PRKAB2: variants seen among roughly 807,000 people sequenced by gnomAD.
The protein encoded by PRKAB2 is 5'-AMP-activated protein kinase subunit beta-2.
Under a neutral mutation model 29.8 loss-of-function variants are expected in PRKAB2, and 18 were observed. The observed-to-expected ratio is 0.60, with a 90% CI of 0.42 to 0.89. The LOEUF is 0.89. Ranked by LOEUF, PRKAB2 falls within the 40% of genes least tolerant of loss-of-function variation. The pLI, the probability that PRKAB2 is intolerant of heterozygous loss-of-function variation, is 0.00. For synonymous variants in PRKAB2, 136 were observed against 125.9 expected (o/e 1.08, Z -0.54); for missense variants, 270 against 344.3 (o/e 0.78, Z 1.71).
At chr1:147,166,974 T>C in intron 3 of PRKAB2, 35 bp from the exon 4 acceptor site, 1 of 1,543,356 alleles carries the variant, frequency 6.5e-7, no homozygotes, top group Non-Finnish European at 8.9e-7. Flanking sequence ...ACAGGCCAAG[T>C]TCCTTTTAGA....
intron 7 of PRKAB2, 28 bp downstream of exon 7, chr1:147,161,684 T>C: frequency 6.3e-7 from 1 of 1,576,178 alleles, no homozygotes; most frequent in Non-Finnish European, 8.7e-7. Context: ...TCCAGGGAGC[T>C]CTGTGAAGAG....
intron 5 of PRKAB2, among the ~76,000 whole-genome samples, chr1:147,163,173 AACAG>A (rs1654056691): frequency 2.0e-5 from 3 of 152,224 alleles, no homozygotes; most frequent in African/African-American, 7.2e-5. Flanking sequence ...GCTAAAATCA[AACAG>A]ACAGACAGTA....
At chr1:147,162,723 A>G (rs1366945833) in intron 5 of PRKAB2, 150 bp from the exon 6 acceptor site, 1 of 792,134 alleles carries the variant, frequency 1.3e-6, no homozygotes, top group Non-Finnish European at 1.9e-6. Context: ...CTGTAAGGTA[A>G]CCAGAGGAAA....
At chr1:147,168,512 AG>A (rs1325872839) in intron 2 of PRKAB2, among the ~76,000 whole-genome samples, 6 of 152,262 alleles carry the variant, frequency 3.9e-5, no homozygotes, top group African/African-American at 1.4e-4. Flanking sequence ...TTAAAACTTG[AG>A]AAGTGGCTAT....
Position 147,157,228 on chromosome 1 carries a change from T to C in PRKAB2, c.*2337A>G, listed in dbSNP as rs1182883304. Reference sequence around the variant, plus strand: ...TCCCTCTCTTCCAAATAGACTGAGATAAGGCTTCTCAGAACCATGGGATGT... The same window carrying C: ...TCCCTCTCTTCCAAATAGACTGAGACAAGGCTTCTCAGAACCATGGGATGT... On this transcript the variant is annotated 3_prime_UTR_variant, in exon 8 of 8. Transcript: ENST00000254101. 1 of 152,138 alleles carries C rather than the reference T, an allele frequency of 6.6e-6. No homozygotes were observed. The highest frequency in any genetic ancestry group is 2.4e-5 in the African/African-American group (1 of 41,428). The allele number at this position is 152,138 out of a possible 1,614,324, so 9.4% of individuals were successfully genotyped here. A position where few individuals can be genotyped will look rare whatever the true frequency, so the allele number is the denominator to read the frequency against.
intron 1 of PRKAB2, 41 bp downstream of exon 1, chr1:147,172,388 G>A: frequency 1.8e-6 from 1 of 566,552 alleles, no homozygotes; most frequent in South Asian, 2.4e-5. Context: ...CCTCCCCCGC[G>A]TCCCCGCGCT....
intron 1 of PRKAB2, 115 bp from the exon 2 acceptor site, chr1:147,172,282 C>A: frequency 8.1e-7 from 1 of 1,231,632 alleles, no homozygotes; most frequent in South Asian, 1.6e-5. Flanking sequence ...CCCAGGGAAG[C>A]CGAGCCCTGG....
At position 147,166,592 on chromosome 1, in the gene PRKAB2, T is replaced by C; in HGVS notation, c.444A>G (p.Thr148=). 1 of 1,614,110 alleles carries C rather than the reference T, an allele frequency of 6.2e-7. No homozygotes were observed. The change falls in exon 5 of 8, where the codon ACA becomes ACG. Residue 148 remains threonine, a synonymous_variant. Coordinates refer to ENST00000254101, the MANE Select transcript of PRKAB2 (RefSeq NM_005399.5). The stretch of plus-strand genomic sequence containing the variant: ...TCTTGACATGGATCAAATTGTTAAT[T>C]GTGCCAAGCTGACTGGTAACCACAG... ...SEPVVTSQLG[T]INNLIHVKKS...
chr1:147,168,788 T>C (rs1654375723), intron 2 of PRKAB2, among the ~76,000 whole-genome samples: 1 of 152,168 alleles, frequency 6.6e-6, no homozygotes, highest in African/African-American at 2.4e-5. Flanking sequence ...TGCCCATTTG[T>C]TTACCTATTA....
At position 147,158,938 on chromosome 1, in the gene PRKAB2, G is replaced by A. The variant is rs1187043209; in HGVS notation, c.*627C>T. ...CTTTTCAAAGTCACTTACCCAATAA[G>A]TTTTGTGTTAGAGAGGGGTCAGGTA... On this transcript the variant is annotated 3_prime_UTR_variant, in exon 8 of 8. Transcript: ENST00000254101. 2 of 152,048 alleles carry A rather than the reference G, an allele frequency of 1.3e-5. No homozygotes were observed. The highest frequency in any genetic ancestry group is 2.9e-5 in the Non-Finnish European group (2 of 68,072). 9.4% of individuals were successfully genotyped at this position (152,048 alleles called of 1,614,324 possible). A position where few individuals can be genotyped will look rare whatever the true frequency, so the allele number is the denominator to read the frequency against.
intron 1 of PRKAB2, 90 bp from the exon 2 acceptor site, chr1:147,172,257 C>G: frequency 1.5e-6 from 2 of 1,356,666 alleles, no homozygotes; most frequent in Non-Finnish European, 1.9e-6. Flanking sequence ...CGGGACAGGG[C>G]AAGGGATTCC....
At chr1:147,168,069 G>A (rs1654340612) in intron 2 of PRKAB2, 136 bp from the exon 3 acceptor site, 2 of 935,830 alleles carry the variant, frequency 2.1e-6, no homozygotes, top group Admixed American at 5.5e-5. Context: ...AACTAAATCA[G>A]AGTTTGAACA....
At chr1:147,167,249 G>C (rs1654295241) in intron 3 of PRKAB2, among the ~76,000 whole-genome samples, 1 of 152,156 alleles carries the variant, frequency 6.6e-6, no homozygotes, top group Non-Finnish European at 1.5e-5. Context: ...TTCCTCACCA[G>C]TGCAAATAAG....
At chr1:147,166,975 T>C (rs949621520) in intron 3 of PRKAB2, 36 bp from the exon 4 acceptor site, 1 of 1,538,128 alleles carries the variant, frequency 6.5e-7, no homozygotes. Context: ...CAGGCCAAGT[T>C]CCTTTTAGAA....
chr1:147,162,964 T>G (rs906068533), intron 5 of PRKAB2, among the ~76,000 whole-genome samples: 2 of 152,216 alleles, frequency 1.3e-5, no homozygotes, highest in South Asian at 2.1e-4. Flanking sequence ...AGATAATGGA[T>G]GTAAAGATGC....
chr1:147,166,153 A>G (rs1277214783), intron 5 of PRKAB2, among the ~76,000 whole-genome samples: 1 of 152,168 alleles, frequency 6.6e-6, no homozygotes, highest in East Asian at 1.9e-4. Flanking sequence ...CTGCTGGGTA[A>G]TATCATCAAA....
intron 5 of PRKAB2, among the ~76,000 whole-genome samples, chr1:147,163,175 C>T (rs1453957652): frequency 6.6e-6 from 1 of 152,124 alleles, no homozygotes; most frequent in Non-Finnish European, 1.5e-5. Context: ...TAAAATCAAA[C>T]AGACAGACAG....
At chr1:147,170,269 T>C (rs72706502) in intron 2 of PRKAB2, among the ~76,000 whole-genome samples, 5,578 of 152,284 alleles carry the variant, frequency 0.037, 144 homozygotes, top group South Asian at 0.094. Context: ...ATTTTCTTAA[T>C]TCACAAATGC....
intron 5 of PRKAB2, among the ~76,000 whole-genome samples, chr1:147,166,065 A>T (rs148354933): frequency 6.6e-6 from 1 of 152,294 alleles, no homozygotes; most frequent in East Asian, 1.9e-4. Flanking sequence ...TCATAAAATC[A>T]TGAAACTGCT....
Sources: gnomAD v4.1 joint callset for allele counts (sites outside exome capture counted in the v4.1 genomes callset) on GRCh38, gnomAD v4.1.1 for gene constraint, MANE v1.5 for transcripts, NCBI Gene and HGNC (gene_info 2026-07-23, HGNC 2026-07-21) for gene names.